Variants in UPRT observed in about 807,000 individuals in gnomAD.
The protein encoded by UPRT is RP11-311P8.3.
Under a neutral mutation model 22.6 loss-of-function variants are expected in UPRT, and 5 were observed. The observed-to-expected ratio is 0.22, with a 90% CI of 0.12 to 0.47. The LOEUF (loss-of-function observed/expected upper bound fraction) is 0.47. UPRT is among the 20% of genes least tolerant of loss of function. UPRT has a pLI of 0.99. For synonymous variants in UPRT, 77 were observed against 87.7 expected (o/e 0.88, Z 0.68); for missense variants, 181 against 239.9 (o/e 0.75, Z 1.62).
At chrX:75,266,368 G>T (rs1419500521) in intron 4 of UPRT, among the ~76,000 whole-genome samples, 1 of 111,531 alleles carries the variant, frequency 9.0e-6, no homozygotes, top group Non-Finnish European at 1.9e-5. Flanking sequence ...ACATGGTGCT[G>T]GGAAAACTGG....
intron 4 of UPRT, among the ~76,000 whole-genome samples, chrX:75,179,596 G>A (rs1026143556): frequency 8.0e-5 from 9 of 112,976 alleles, no homozygotes; most frequent in African/African-American, 2.2e-4. Context: ...GGCTCGGGCC[G>A]CACAGGAGCC....
intron 4 of UPRT, among the ~76,000 whole-genome samples, chrX:75,174,367 C>T (rs978675882): frequency 9.0e-6 from 1 of 111,471 alleles, no homozygotes; most frequent in Non-Finnish European, 1.9e-5. Context: ...TTTGGGGTTC[C>T]ATTTGTAAGA....
chrX:75,294,960 A>G (rs2082720978), intron 2 of UPRT, among the ~76,000 whole-genome samples: 1 of 111,041 alleles, frequency 9.0e-6, no homozygotes, highest in Non-Finnish European at 1.9e-5. Context: ...GATAGTAAGG[A>G]CCTATGGCAT....
chrX:75,174,451 G>C (rs371345800), intron 4 of UPRT, among the ~76,000 whole-genome samples: 5 of 111,936 alleles, frequency 4.5e-5, no homozygotes, highest in African/African-American at 1.6e-4. Flanking sequence ...AGGGCCTAAA[G>C]GTGAGTAACA....
At chrX:75,157,372 G>A in intron 1 of UPRT, among the ~76,000 whole-genome samples, 1 of 111,949 alleles carries the variant, frequency 8.9e-6, no homozygotes, top group Non-Finnish European at 1.9e-5. Context: ...GGATGCTTGA[G>A]CTAGTTATTT....
chrX:75,248,412 G>A (rs1396350752), intron 4 of UPRT, among the ~76,000 whole-genome samples: 1 of 112,143 alleles, frequency 8.9e-6, no homozygotes, highest in African/African-American at 3.2e-5. Context: ...CGTGACAAAT[G>A]CACAACTCTC....
At chrX:75,227,469 A>T (rs1392565585) in intron 4 of UPRT, among the ~76,000 whole-genome samples, 2 of 111,309 alleles carry the variant, frequency 1.8e-5, no homozygotes, top group Admixed American at 1.9e-4. Flanking sequence ...TCTACATGGA[A>T]CCCTGGAGCC....
At chrX:75,241,370 A>G (rs964503213) in intron 4 of UPRT, among the ~76,000 whole-genome samples, 1 of 112,087 alleles carries the variant, frequency 8.9e-6, no homozygotes, top group South Asian at 3.7e-4. Context: ...CTAAACCACA[A>G]TGCAATACCA....
chrX:75,302,053 C>T (rs766892010), intron 6 of UPRT, among the ~76,000 whole-genome samples: 4 of 111,578 alleles, frequency 3.6e-5, no homozygotes, highest in Non-Finnish European at 5.6e-5. Flanking sequence ...CAATATATGG[C>T]TTCTCTAGTC....
At chrX:75,225,531 G>C (rs746005611) in intron 4 of UPRT, among the ~76,000 whole-genome samples, 1 of 111,487 alleles carries the variant, frequency 9.0e-6, no homozygotes, top group South Asian at 3.8e-4. Flanking sequence ...ATTCTTGGCT[G>C]CTGTAGCCTG....
chrX:75,211,311 C>A (rs2147628190), intron 4 of UPRT, among the ~76,000 whole-genome samples: 1 of 111,391 alleles, frequency 9.0e-6, no homozygotes, highest in South Asian at 3.9e-4. Context: ...CAGCTCTTTG[C>A]AGTCCCCCAG....
chrX:75,265,548 T>A (rs1054463497), intron 4 of UPRT, among the ~76,000 whole-genome samples: 2 of 112,194 alleles, frequency 1.8e-5, no homozygotes. Flanking sequence ...TTTAAGGACT[T>A]CTCTGCATTT....
At chrX:75,199,972 A>G (rs1476227676) in intron 4 of UPRT, among the ~76,000 whole-genome samples, 1 of 111,598 alleles carries the variant, frequency 9.0e-6, no homozygotes, top group African/African-American at 3.3e-5. Context: ...TGGCTGCATA[A>G]ATGTCTTCTT....
At position 75,303,392 on chromosome X, in the gene UPRT, T is replaced by C. The variant is rs915488684; in HGVS notation, c.824-13T>C. On this transcript the variant is annotated splice_polypyrimidine_tract_variant and intron_variant, in intron 6 of 6. Transcript: ENST00000373383. ...CAAAACATCCTACCATAATAACTTT[T>C]GTTTTTTTGAAGGTGCCAAATCAAT... 1 of 1,180,850 alleles carries C rather than the reference T, an allele frequency of 8.5e-7. No homozygotes were observed.
rs756457930 is a variant in UPRT, at chrX:75,256,016, T to A, written c.-446-35008T>A. Among the ~76,000 whole-genome samples the A allele has an allele frequency of 9.9e-5, 11 of 111,646 alleles. No individual in the cohort carries two copies. In the South Asian group the frequency reaches 4.2e-3, roughly 42 times the overall value. On this transcript the variant is annotated intron_variant, in intron 4 of 13. Coordinates refer to the UPRT transcript ENST00000652605. ...AACTGTACTCTGGAGCAAATTGACTTAACAGATATATTCATAACATTCCAT... is the reference window on the plus strand; with the variant it reads ...AACTGTACTCTGGAGCAAATTGACTAAACAGATATATTCATAACATTCCAT...
chrX:75,244,371 C>A (rs2082497468), intron 4 of UPRT, among the ~76,000 whole-genome samples: 1 of 112,064 alleles, frequency 8.9e-6, no homozygotes, highest in Admixed American at 9.5e-5. Flanking sequence ...AATGCTATTC[C>A]TATCAAACTA....
chrX:75,246,814 A>G (rs1350329892), intron 4 of UPRT, among the ~76,000 whole-genome samples: 1 of 111,799 alleles, frequency 8.9e-6, no homozygotes, highest in African/African-American at 3.3e-5. Flanking sequence ...GTGAGATGGT[A>G]TCTCATTGTG....
chrX:75,236,363 G>T, intron 4 of UPRT, among the ~76,000 whole-genome samples: 1 of 111,361 alleles, frequency 9.0e-6, no homozygotes, highest in African/African-American at 3.3e-5. Flanking sequence ...TGTGAAAATG[G>T]CCATACTGCC....
rs2082266200 is a variant in UPRT at position 75,180,681 on chromosome X, G to GTTTTTTTTTTTTGTTTTTTTTTTTTT, written c.-447+12814_-447+12815insGTTTTTTTTTTTTTTTTTTTTTTTTT. 1.9e-3 allele frequency among the ~76,000 whole-genome samples: 82 copies of GTTTTTTTTTTTTGTTTTTTTTTTTTT among 43,880 alleles called. 6 individuals are homozygous for GTTTTTTTTTTTTGTTTTTTTTTTTTT. The highest frequency in any genetic ancestry group is 0.02 in the Middle Eastern group (1 of 51). The allele number at this position is 43,880 out of a possible 115,157, so 38.1% of individuals were successfully genotyped here. A position where few individuals can be genotyped will look rare whatever the true frequency, so the allele number is the denominator to read the frequency against. ...GTCTTCCATCTTCCCCCTTTTCTCTGTTTTTTTTTTTTTGTTTTTTTTTTT... is the reference window on the plus strand; with the variant it reads ...GTCTTCCATCTTCCCCCTTTTCTCTGTTTTTTTTTTTTGTTTTTTTTTTTTTTTTTTTTTTTTTTGTTTTTTTTTTT... On this transcript the variant is annotated intron_variant, in intron 4 of 13. Transcript: ENST00000652605.
Sources: gnomAD v4.1 joint callset for allele counts (sites outside exome capture counted in the v4.1 genomes callset) on GRCh38, gnomAD v4.1.1 for gene constraint, MANE v1.5 for transcripts, NCBI Gene and HGNC (gene_info 2026-07-23, HGNC 2026-07-21) for gene names.